The following AGAP3 variants were observed in gnomAD, a reference collection of about 807,000 sequenced individuals.
AGAP3 encodes ArfGAP with GTPase domain, ankyrin repeat and PH domain 3.
A neutral mutation model predicts 96.9 loss-of-function variants in AGAP3; 24 were observed. The observed-to-expected ratio is 0.25, with a 90% confidence interval of 0.18 to 0.35. The LOEUF (loss-of-function observed/expected upper bound fraction) is 0.35. Ranked by LOEUF, AGAP3 falls within the 10% of genes least tolerant of loss-of-function variation. The pLI, the probability that AGAP3 is intolerant of heterozygous loss-of-function variation, is 1.00. For missense variants in AGAP3, 876 were observed against 1,254.2 expected (o/e 0.70, Z 4.55); for synonymous variants, 563 against 536.1 (o/e 1.05, Z -0.69).
chr7:151,124,719 A>G (rs1386664827), intron 9 of AGAP3, among the ~76,000 whole-genome samples: 3 of 152,144 alleles, frequency 2.0e-5, no homozygotes, highest in Non-Finnish European at 4.4e-5. Flanking sequence ...GCTGGGACTC[A>G]TGGGCAGTGT....
Position 151,141,625 on chromosome 7 carries a change from G to C in AGAP3, c.1805-273G>C. On this transcript the variant is annotated intron_variant, in intron 13 of 17. Coordinates refer to ENST00000397238, the MANE Select transcript of AGAP3 (RefSeq NM_031946.7). The surrounding 1 kb of genome is among the most constrained non-coding windows in gnomAD (Gnocchi z 4.2). ...TGGTTTCACACCCATTCCCGGCAGT[G>C]CCAGGGGTGCCAAGATCTTGCATCC... The C allele has an allele frequency of 2.1e-6, 1 of 476,740 alleles. No individual in the cohort carries two copies. The highest frequency in any genetic ancestry group is 3.8e-6 in the Non-Finnish European group (1 of 260,120). 29.5% of individuals were successfully genotyped at this position (476,740 alleles called of 1,614,324 possible). A position where few individuals can be genotyped will look rare whatever the true frequency, so the allele number is the denominator to read the frequency against.
In AGAP3 at chr7:151,133,053, C is replaced by G. The variant is rs1431835269; in HGVS notation, c.1327-1347C>G. ...TAGGAGGAGCGCGTCTGGGAAGGCT[C>G]GTCGCACGGCCGCCCTTAGGATGCA... On this transcript the variant is annotated intron_variant, in intron 10 of 17. Transcript: ENST00000397238. The surrounding 1 kb of genome is among the most constrained non-coding windows in gnomAD (Gnocchi z 5.4). 6.6e-6 allele frequency among the ~76,000 whole-genome samples: 1 copy of G among 152,172 alleles called. No homozygotes were observed. The highest frequency in any genetic ancestry group is 2.4e-5 in the African/African-American group (1 of 41,450).
At chr7:151,103,513 C>T (rs1441840028) in intron 1 of AGAP3, among the ~76,000 whole-genome samples, 4 of 151,414 alleles carry the variant, frequency 2.6e-5, no homozygotes, top group East Asian at 2.0e-4. Context: ...AACATTTTAC[C>T]GCATTTGCTG....
At position 151,144,104 on chromosome 7, in the gene AGAP3, T is replaced by C. The variant is rs1440970269; in HGVS notation, c.*161T>C. 7 of 765,150 alleles carry C rather than the reference T, an allele frequency of 9.1e-6. No homozygotes were observed. The highest frequency in any genetic ancestry group is 1.4e-5 in the Non-Finnish European group (7 of 485,496). The allele number at this position is 765,150 out of a possible 1,614,324, so 47.4% of individuals were successfully genotyped here. ...GGAGAGTCAAAGGGATCAAGGAGAG[T>C]TGGGGATTTGAGCTGCAGCAGAGAG... On this transcript the variant is annotated 3_prime_UTR_variant, in exon 18 of 18. Transcript: ENST00000397238.
intron 11 of AGAP3, chr7:151,136,198 G>A (rs1300232576): frequency 1.3e-5 from 2 of 152,278 alleles, no homozygotes; most frequent in African/African-American, 2.4e-5. Context: ...ATGAGGAGCA[G>A]GCCCAAGTGA....
chr7:151,094,877 T>C (rs368694598), intron 1 of AGAP3, among the ~76,000 whole-genome samples: 13 of 148,224 alleles, frequency 8.8e-5, no homozygotes, highest in South Asian at 2.3e-4. Flanking sequence ...CTTCCTCCCT[T>C]CCTTCCTTCC....
chr7:151,110,700 G>A (rs1429117777), intron 1 of AGAP3, among the ~76,000 whole-genome samples: 6 of 152,332 alleles, frequency 3.9e-5, no homozygotes, highest in East Asian at 3.9e-4. Context: ...GCTTAGGCCC[G>A]GGAGGATGGT....
At chr7:151,102,334 A>G (rs547865296) in intron 1 of AGAP3, among the ~76,000 whole-genome samples, 1 of 152,276 alleles carries the variant, frequency 6.6e-6, no homozygotes, top group Non-Finnish European at 1.5e-5. Context: ...TATGTTTTCA[A>G]ACTACTCAAA....
At chr7:151,120,781 C>T in intron 8 of AGAP3, 1 of 1,183,532 alleles carries the variant, frequency 8.4e-7, no homozygotes, top group South Asian at 1.6e-5. Context: ...CTCACTCACC[C>T]CTCACAAACC....
At chr7:151,115,701 C>T (rs1285136688) in intron 1 of AGAP3, 4 of 1,037,278 alleles carry the variant, frequency 3.9e-6, no homozygotes, top group Non-Finnish European at 4.7e-6. Flanking sequence ...AAAAGCCGGA[C>T]GCGCCCAGGG....
At position 151,137,513 on chromosome 7, in the gene AGAP3, G is replaced by T. The variant is rs373076611; in HGVS notation, c.1496-630G>T. 5.9e-5 allele frequency among the ~76,000 whole-genome samples: 9 copies of T among 152,192 alleles called. No homozygotes were observed. In the East Asian group the frequency reaches 1.5e-3, roughly 26 times the overall value. ...TCTCTCCAGCAGGGGCTCAGCCAGG[G>T]AGTGAGGTGGGAGAATTGTGCGGCG... On this transcript the variant is annotated intron_variant, in intron 11 of 17. Coordinates refer to ENST00000397238, the MANE Select transcript of AGAP3 (RefSeq NM_031946.7).
At chr7:151,117,290 C>T (rs1799638853) in intron 3 of AGAP3, 81 bp from the exon 4 acceptor site, 1 of 1,594,754 alleles carries the variant, frequency 6.3e-7, no homozygotes, top group African/African-American at 1.3e-5. Context: ...CTCTTCCCTC[C>T]CGCATGGGAA....
rs1045507397 is a variant in AGAP3 at position 151,120,384 on chromosome 7, C to T, written c.1128+239C>T. 11 of 655,322 alleles carry T rather than the reference C, an allele frequency of 1.7e-5. No homozygotes were observed. In the Admixed American group the frequency reaches 1.8e-4, roughly 11 times the overall value. 40.6% of individuals were successfully genotyped at this position (655,322 alleles called of 1,614,324 possible). ...CGGCCCTTACCCTGTCCCCACAGTC[C>T]TCCCTGCCCTCTGCCGCACACACTC... On this transcript the variant is annotated intron_variant, in intron 8 of 17. Transcript: ENST00000397238.
Position 151,086,933 on chromosome 7 carries a change from C to G in AGAP3, c.192C>G (p.Ser64=). The G allele has an allele frequency of 6.2e-7, 1 of 1,609,338 alleles. No individual in the cohort carries two copies. The highest frequency in any genetic ancestry group is 8.5e-7 in the Non-Finnish European group (1 of 1,178,218). Reference sequence around the variant, plus strand: ...GGCCCCCCCAGCAGTTCGCGCTCTCCAACTCCGCGGCCATCCGGGCCGAGA... The same window carrying G: ...GGCCCCCCCAGCAGTTCGCGCTCTCGAACTCCGCGGCCATCCGGGCCGAGA... ...AGGPPQQFAL[S]NSAAIRAEIQ... Residue 64 remains serine, a synonymous_variant, in exon 1 of 18, where the codon TCC becomes TCG. Transcript: ENST00000397238.
At position 151,118,846 on chromosome 7, in the gene AGAP3, G is replaced by T. The variant is rs539488590; in HGVS notation, c.969+214G>T. On this transcript the variant is annotated intron_variant, in intron 7 of 17. Coordinates refer to ENST00000397238, the MANE Select transcript of AGAP3 (RefSeq NM_031946.7). This position sits in a 1 kb window ranked among gnomAD's most constrained non-coding sequence, Gnocchi z 6.1. ...TGCCCCACGGTGCCTGCCCCTTCCC[G>T]CTGCAATCCCCACTTCTCTCTGCTC... Among the ~76,000 whole-genome samples, 3 of 152,050 alleles carry T rather than the reference G, an allele frequency of 2.0e-5. No individual in the cohort carries two copies. Among genetic ancestry groups the T allele is most frequent in the African/African-American group, 7.2e-5 (3 of 41,386 alleles).
In AGAP3 at chr7:151,139,774, C is replaced by G. The variant is rs1563527628; in HGVS notation, c.1667-205C>G. The G allele has an allele frequency of 4.7e-6, 2 of 424,872 alleles. No homozygotes were observed. Among genetic ancestry groups the G allele is most frequent in the East Asian group, 7.4e-5 (2 of 27,152 alleles). 26.3% of individuals were successfully genotyped at this position (424,872 alleles called of 1,614,324 possible). A position where few individuals can be genotyped will look rare whatever the true frequency, so the allele number is the denominator to read the frequency against. ...TCTGCCTAAGTTTCCTATTCTCTTT[C>G]CACATTTTCCTCCTCCAAGGCTGGG... On this transcript the variant is annotated intron_variant, in intron 12 of 17. Transcript: ENST00000397238. The surrounding 1 kb of genome is among the most constrained non-coding windows in gnomAD (Gnocchi z 4.9).
rs187624013 is a variant in AGAP3, at chr7:151,122,265, G to T, written c.1129-1529G>T. Among the ~76,000 whole-genome samples, 896 of 152,344 alleles carry T rather than the reference G, an allele frequency of 5.9e-3. 10 individuals carry two copies. The highest frequency in any genetic ancestry group is 0.02 in the African/African-American group (831 of 41,572). On this transcript the variant is annotated intron_variant, in intron 8 of 17. Coordinates refer to ENST00000397238, the MANE Select transcript of AGAP3 (RefSeq NM_031946.7). The stretch of plus-strand genomic sequence containing the variant: ...AGGAGGGGATGGGGCGGTGCCGCCT[G>T]TGGAGCTGCTGGGTGGCACTTTGCT...
At chr7:151,095,384 T>A (rs538469592) in intron 1 of AGAP3, among the ~76,000 whole-genome samples, 1 of 152,288 alleles carries the variant, frequency 6.6e-6, no homozygotes, top group African/African-American at 2.4e-5. Context: ...TTGTGCCTGT[T>A]CCTTTTCTGC....
At chr7:151,126,490 G>A (rs1374176771) in intron 9 of AGAP3, among the ~76,000 whole-genome samples, 1 of 148,888 alleles carries the variant, frequency 6.7e-6, no homozygotes, top group Non-Finnish European at 1.5e-5. Flanking sequence ...GGGGTGAGGG[G>A]AGTCGGGACG....
Sources: gnomAD v4.1 joint callset for allele counts (sites outside exome capture counted in the v4.1 genomes callset) on GRCh38, gnomAD v4.1.1 for gene constraint, Gnocchi (gnomAD v3.1) non-coding constraint, MANE v1.5 for transcripts, NCBI Gene and HGNC (gene_info 2026-07-23, HGNC 2026-07-21) for gene names.